Variants in USP16 observed in about 807,000 individuals in gnomAD.
USP16 encodes the protein ubiquitin carboxyl-terminal hydrolase 16.
USP16 carries 77 observed loss-of-function variants against 95.9 expected under a neutral mutation model. The observed-to-expected ratio is 0.80, with a 90% CI of 0.67 to 0.97. The LOEUF (loss-of-function observed/expected upper bound fraction) is 0.97. Ranked by LOEUF, USP16 falls within the 50% of genes least tolerant of loss-of-function variation. USP16 has a pLI of 0.00. For synonymous variants in USP16, 303 were observed against 318.2 expected (o/e 0.95, Z 0.51); for missense variants, 943 against 959.9 (o/e 0.98, Z 0.23).
chr21:29,033,154 A>G (rs1162001918), intron 3 of USP16, among the ~76,000 whole-genome samples: 1 of 152,164 alleles, frequency 6.6e-6, no homozygotes, highest in Non-Finnish European at 1.5e-5. Flanking sequence ...TTTTTGTGCT[A>G]CCTTTTTAAT....
chr21:29,025,239 A>G (rs977928613), intron 1 of USP16, among the ~76,000 whole-genome samples: 7 of 152,248 alleles, frequency 4.6e-5, no homozygotes, highest in Non-Finnish European at 8.8e-5. Context: ...ACACCTGCTG[A>G]CAAAGTTTTC....
intron 4 of USP16, among the ~76,000 whole-genome samples, chr21:29,035,443 G>A (rs1012417258): frequency 6.7e-5 from 10 of 149,042 alleles, no homozygotes; most frequent in Admixed American, 2.7e-4. Context: ...GTGTGATCTC[G>A]GCTCACCACA....
Position 29,039,444 on chromosome 21 carries a change from C to T in USP16, c.864-37C>T, listed in dbSNP as rs2085211769. On this transcript the variant is annotated intron_variant, in intron 8 of 17. Transcript: ENST00000399976. The stretch of plus-strand genomic sequence containing the variant: ...AAAAATAGCTTCAGAGCTTAGTAGA[C>T]TGAAGATTGCTTTTCTGTCTTTTTG... 3.8e-6 allele frequency: 6 copies of T among 1,599,812 alleles called. No homozygotes were observed. The South Asian group carries it at 5.5e-5, about 15-fold the overall frequency.
intron 2 of USP16, 134 bp downstream of exon 2, chr21:29,028,108 T>C: frequency 2.9e-6 from 2 of 695,646 alleles, no homozygotes; most frequent in East Asian, 5.8e-5. Context: ...CTATATGTCA[T>C]TTAATAGTCT....
At chr21:29,044,670 C>T (rs999053542) in intron 13 of USP16, among the ~76,000 whole-genome samples, 2 of 152,128 alleles carry the variant, frequency 1.3e-5, no homozygotes, top group African/African-American at 4.8e-5. Flanking sequence ...TGGTCTCTAA[C>T]TCCTGACCTC....
chr21:29,024,876 G>A, intron 1 of USP16, 99 bp downstream of exon 1: 1 of 1,163,378 alleles, frequency 8.6e-7, no homozygotes, highest in Non-Finnish European at 1.1e-6. Context: ...CTTCTTGAAG[G>A]CCGCTCTCCT....
intron 1 of USP16, among the ~76,000 whole-genome samples, chr21:29,025,341 A>G (rs1194081909): frequency 6.6e-6 from 1 of 152,234 alleles, no homozygotes; most frequent in African/African-American, 2.4e-5. Context: ...AGAACCGGCA[A>G]GACTATCTTT....
chr21:29,050,412 C>T (rs1451064959), intron 16 of USP16, among the ~76,000 whole-genome samples: 1 of 151,996 alleles, frequency 6.6e-6, no homozygotes, highest in Non-Finnish European at 1.5e-5. Flanking sequence ...GTCTTGTGAG[C>T]GGAGGGCATA....
intron 4 of USP16, 101 bp downstream of exon 4, chr21:29,035,041 G>T: frequency 8.6e-7 from 1 of 1,160,022 alleles, no homozygotes; most frequent in South Asian, 1.6e-5. Context: ...TAAAATTTTT[G>T]TAGTATGTTT....
rs772451518 is a variant in USP16, at chr21:29,046,620, G to A, written c.1357-47G>A. 2.7e-4 allele frequency: 406 copies of A among 1,529,604 alleles called. 2 individuals carry two copies. Among genetic ancestry groups the A allele is most frequent in the Middle Eastern group, 8.2e-4 (4 of 4,850 alleles). 94.8% of individuals were successfully genotyped at this position (1,529,604 alleles called of 1,614,324 possible). The stretch of plus-strand genomic sequence containing the variant: ...CTATCTCTCTTCCTCCTTTTCTCCC[G>A]CTCTTTCTTTTTCTTTATTTTTTGA... On this transcript the variant is annotated intron_variant, in intron 13 of 17. Coordinates refer to ENST00000399976, the MANE Select transcript of USP16 (RefSeq NM_006447.3).
rs2084959217 is a variant in USP16 at position 29,024,747 on chromosome 21, G to C, written c.-72G>C. ...GGCTGCCCAGCCCAAAGGCCCATGA[G>C]GGGATGCAGTTATGGGCTCTGTCGC... is the stretch of plus-strand genomic sequence containing the variant. On this transcript the variant is annotated 5_prime_UTR_variant, in exon 1 of 18. Coordinates refer to ENST00000399976, the MANE Select transcript of USP16 (RefSeq NM_006447.3). The C allele has an allele frequency of 1.6e-6, 2 of 1,289,288 alleles. No individual in the cohort carries two copies. Among genetic ancestry groups the C allele is most frequent in the African/African-American group, 3.0e-5 (2 of 66,004 alleles). 79.9% of individuals were successfully genotyped at this position (1,289,288 alleles called of 1,614,324 possible).
chr21:29,029,345 G>A (rs1207913769), intron 2 of USP16, among the ~76,000 whole-genome samples: 1 of 152,268 alleles, frequency 6.6e-6, no homozygotes, highest in African/African-American at 2.4e-5. Flanking sequence ...CCTGGGAGGC[G>A]GAGCTTGCAG....
Position 29,050,109 on chromosome 21 carries a change from C to T in USP16, c.2124C>T (p.Arg708=), listed in dbSNP as rs1349537529. The change falls in exon 16 of 18, where the codon CGC becomes CGT. Residue 708 remains arginine (R), a synonymous_variant. Coordinates refer to ENST00000399976, the MANE Select transcript of USP16 (RefSeq NM_006447.3). ...KRFQQAGFNL[R]KVNKHIKFPE... ...TCTTTTAGGCTGGTTTTAACCTACG[C>T]AAAGTTAACAAACACATAAAGTTTC... 7 of 1,613,124 alleles carry T rather than the reference C, an allele frequency of 4.3e-6. No homozygotes were observed. Among genetic ancestry groups the T allele is most frequent in the Non-Finnish European group, 5.9e-6 (7 of 1,179,690 alleles).
Position 29,027,865 on chromosome 21 carries a change from T to C in USP16, c.-41-8T>C. On this transcript the variant is annotated splice_polypyrimidine_tract_variant and splice_region_variant and intron_variant, in intron 1 of 17. Coordinates refer to ENST00000399976, the MANE Select transcript of USP16 (RefSeq NM_006447.3). ...TTTTGGTCAAGCTAACTTTATCTTG[T>C]TTTCTAGATTGTTATTTTGTGTCAG... The C allele has an allele frequency of 1.2e-6, 2 of 1,608,960 alleles. No homozygotes were observed. Among genetic ancestry groups the C allele is most frequent in the Non-Finnish European group, 1.7e-6 (2 of 1,175,852 alleles).
chr21:29,025,944 A>C (rs569010967), intron 1 of USP16, among the ~76,000 whole-genome samples: 1 of 152,350 alleles, frequency 6.6e-6, no homozygotes, highest in South Asian at 2.1e-4. Context: ...TTAAAGATTT[A>C]AGAAATTCAC....
chr21:29,030,454 A>G (rs2085061192), intron 2 of USP16, 141 bp from the exon 3 acceptor site: 3 of 709,896 alleles, frequency 4.2e-6, no homozygotes, highest in Admixed American at 4.0e-5. Context: ...CAAATATCAA[A>G]CAATTTTAAG....
intron 2 of USP16, among the ~76,000 whole-genome samples, chr21:29,029,316 G>A (rs888011308): frequency 1.3e-5 from 2 of 152,320 alleles, no homozygotes; most frequent in East Asian, 3.9e-4. Context: ...GGGAGGCTGA[G>A]GCAGGAGAAT....
At chr21:29,047,827 A>G (rs1195811803) in intron 14 of USP16, among the ~76,000 whole-genome samples, 1 of 151,756 alleles carries the variant, frequency 6.6e-6, no homozygotes, top group African/African-American at 2.4e-5. Context: ...TGGATTCCTA[A>G]GGATTTTTAG....
chr21:29,038,459 A>G, intron 7 of USP16, 29 bp downstream of exon 7: 1 of 1,444,936 alleles, frequency 6.9e-7, no homozygotes, highest in South Asian at 1.2e-5. Flanking sequence ...TCTAGTCTGT[A>G]ACTTTCCTCT....
Sources: allele counts gnomAD v4.1 joint callset (sites outside exome capture counted in the v4.1 genomes callset), GRCh38; gene constraint gnomAD v4.1.1; transcripts MANE v1.5; gene names NCBI Gene and HGNC (gene_info 2026-07-23, HGNC 2026-07-21).